Variants in NLRP1 observed in about 807,000 individuals in gnomAD.
The protein encoded by NLRP1 is NACHT, LRR and PYD domains-containing protein 1.
A neutral mutation model predicts 136.7 loss-of-function variants in NLRP1; 94 were observed. The observed-to-expected ratio is 0.69, with a 90% CI of 0.58 to 0.82. NLRP1 has a LOEUF of 0.82. Ranked by LOEUF, NLRP1 falls within the 40% of genes least tolerant of loss-of-function variation. The pLI is 0.00. For missense variants in NLRP1, 1,575 were observed against 1,802.7 expected (o/e 0.87, Z 2.29); for synonymous variants, 690 against 725.1 (o/e 0.95, Z 0.78).
chr17:5,519,164 G>A (rs1038650129), intron 14 of NLRP1, among the ~76,000 whole-genome samples: 19 of 151,674 alleles, frequency 1.3e-4, no homozygotes, highest in African/African-American at 4.6e-4. Flanking sequence ...CACCACGCTC[G>A]GCTAAAGTTT....
At chr17:5,578,621 G>C (rs1334625402) in intron 3 of NLRP1, among the ~76,000 whole-genome samples, 2 of 152,238 alleles carry the variant, frequency 1.3e-5, no homozygotes, top group African/African-American at 4.8e-5. Context: ...ACAGGTGCTG[G>C]AGAGGATGTG....
chr17:5,521,468 A>C, intron 13 of NLRP1, 56 bp downstream of exon 13: 1 of 1,572,238 alleles, frequency 6.4e-7, no homozygotes, highest in African/African-American at 1.3e-5. Flanking sequence ...CTCTGGCTGC[A>C]TTTTGTGTTT....
At chr17:5,581,671 C>A (rs964439810) in intron 3 of NLRP1, among the ~76,000 whole-genome samples, 188 bp downstream of exon 3, 3 of 152,296 alleles carry the variant, frequency 2.0e-5, no homozygotes, top group African/African-American at 2.4e-5. Context: ...ATTTTAATGT[C>A]CAGGTGCCTC....
At chr17:5,512,019 T>G (rs1294553772), downstream of NLRP1, 3 of 589,604 alleles carry the variant, frequency 5.1e-6, no homozygotes, top group Non-Finnish European at 9.4e-6. Flanking sequence ...AGGTGGTAAC[T>G]AATGACAGTA....
Position 5,558,509 on chromosome 17 carries a change from C to CAA in NLRP1, c.2186_2187insTT (p.Phe730CysfsTer3), listed in dbSNP as rs1567659713. ...AATGGGCCATCACTTGTGTCAGGAACGTTTTGTTCCGAGTCTCGTACAAGC... is the reference window on the plus strand; with the variant it reads ...AATGGGCCATCACTTGTGTCAGGAACAAGTTTTGTTCCGAGTCTCGTACAAGC... On this transcript the variant is annotated frameshift_variant, in exon 4 of 17. Coordinates refer to ENST00000572272, the MANE Select transcript of NLRP1 (RefSeq NM_033004.4). LOFTEE classifies it high-confidence loss of function. The CAA allele has an allele frequency of 1.9e-6, 3 of 1,613,998 alleles. No homozygotes were observed. In the South Asian group the frequency reaches 3.3e-5, roughly 18 times the overall value.
chr17:5,564,007 G>T (rs1164506763), intron 3 of NLRP1, among the ~76,000 whole-genome samples: 1 of 152,150 alleles, frequency 6.6e-6, no homozygotes, highest in Non-Finnish European at 1.5e-5. Context: ...TTAAAGAAAA[G>T]AAATTCCAGC....
chr17:5,512,117 C>A, downstream of NLRP1: 1 of 793,318 alleles, frequency 1.3e-6, no homozygotes. Context: ...TCATAGTCTG[C>A]ACTTATTCCC....
intron 3 of NLRP1, among the ~76,000 whole-genome samples, chr17:5,572,132 G>C (rs974304849): frequency 2.6e-5 from 4 of 152,062 alleles, no homozygotes; most frequent in Non-Finnish European, 5.9e-5. Context: ...GTAAAACCTA[G>C]AACTTTAAAA....
Position 5,514,495 on chromosome 17 carries a change from G to T in NLRP1, c.*259C>A. 7.5e-7 allele frequency: 1 copy of T among 1,342,266 alleles called. No homozygotes were observed. The highest frequency in any genetic ancestry group is 9.6e-7 in the Non-Finnish European group (1 of 1,042,124). 83.1% of individuals were successfully genotyped at this position (1,342,266 alleles called of 1,614,324 possible). ...GGCTTGGCTGCTGTGGCCACCAGAT[G>T]AGGCTCTATGAGGTCTGCAGGGGTC... On this transcript the variant is annotated 3_prime_UTR_variant, in exon 17 of 17. Coordinates refer to ENST00000572272, the MANE Select transcript of NLRP1 (RefSeq NM_033004.4).
chr17:5,511,304 C>CAT (rs1207320750), downstream of NLRP1, among the ~76,000 whole-genome samples: 10 of 151,892 alleles, frequency 6.6e-5, no homozygotes, highest in Non-Finnish European at 1.2e-4. Flanking sequence ...TGGTGGTGGG[C>CAT]GCCTGTAATC....
chr17:5,545,337 GACAC>G (rs55788409), intron 5 of NLRP1, among the ~76,000 whole-genome samples: 28 of 147,746 alleles, frequency 1.9e-4, no homozygotes, highest in Admixed American at 5.4e-4. Flanking sequence ...CAGACACACA[GACAC>G]ACACACACAC....
chr17:5,509,511 T>A (rs1168800526), downstream of NLRP1, among the ~76,000 whole-genome samples: 1 of 152,204 alleles, frequency 6.6e-6, no homozygotes, highest in African/African-American at 2.4e-5. Flanking sequence ...AGGAAAGGCA[T>A]TAAGCTCAGC....
At position 5,559,212 on chromosome 17, in the gene NLRP1, G is replaced by A; in HGVS notation, c.1484C>T (p.Thr495Ile). 6.2e-7 allele frequency: 1 copy of A among 1,614,186 alleles called. No individual in the cohort carries two copies. The highest frequency in any genetic ancestry group is 1.3e-5 in the African/African-American group (1 of 75,028). ...SRKEYFYRYF[T>I]DERQAIRAFR... ...GGCTCTAATTGCTTGCCTTTCATCT[G>A]TGAAATATCTGTAGAAATATTCCTT... Residue 495 changes from threonine to isoleucine, a missense_variant, in exon 4 of 17, where the codon ACA becomes ATA. Transcript: ENST00000572272.
chr17:5,570,375 GA>G (rs34903859), intron 3 of NLRP1, among the ~76,000 whole-genome samples: 67,909 of 147,966 alleles, frequency 0.46, 15,553 homozygotes, highest in Non-Finnish European at 0.48. Flanking sequence ...GACTAATAAA[GA>G]AAAAAAAAAG....
intron 14 of NLRP1, 130 bp downstream of exon 14, chr17:5,520,751 A>C (rs978483538): frequency 4.6e-6 from 4 of 860,682 alleles, no homozygotes; most frequent in Non-Finnish European, 5.1e-6. Flanking sequence ...ACTTTCTCTA[A>C]ATCCCACTCA....
intron 12 of NLRP1, 148 bp from the exon 13 acceptor site, chr17:5,521,934 C>A: frequency 1.4e-6 from 1 of 731,634 alleles, no homozygotes; most frequent in Non-Finnish European, 2.1e-6. Context: ...AAGCGATTCT[C>A]CTGCCTCAGC....
intron 3 of NLRP1, among the ~76,000 whole-genome samples, chr17:5,570,460 A>G (rs1239479762): frequency 2.0e-5 from 3 of 152,070 alleles, no homozygotes; most frequent in Admixed American, 6.5e-5. Flanking sequence ...AATATAAAAA[A>G]CCCTCAGAGA....
At chr17:5,578,723 A>G (rs1330588800) in intron 3 of NLRP1, among the ~76,000 whole-genome samples, 4 of 152,236 alleles carry the variant, frequency 2.6e-5, no homozygotes, top group Non-Finnish European at 5.9e-5. Context: ...AGGATCTAGA[A>G]CTAGAAATAC....
intron 3 of NLRP1, among the ~76,000 whole-genome samples, chr17:5,562,116 C>T (rs1914828011): frequency 6.6e-6 from 1 of 152,208 alleles, no homozygotes; most frequent in African/African-American, 2.4e-5. Flanking sequence ...CCACCTCTGC[C>T]TGTGGTAGCC....
Sources: allele counts gnomAD v4.1 joint callset (sites outside exome capture counted in the v4.1 genomes callset), GRCh38; gene constraint gnomAD v4.1.1; transcripts MANE v1.5; gene names NCBI Gene and HGNC (gene_info 2026-07-23, HGNC 2026-07-21).